Variants in NDUFS8 observed in about 807,000 individuals in gnomAD.
The protein encoded by NDUFS8 is NADH dehydrogenase [ubiquinone] iron-sulfur protein 8, mitochondrial.
A neutral mutation model predicts 25.6 loss-of-function variants in NDUFS8; 13 were observed. The ratio of observed to expected loss-of-function variants is 0.51; its 90% CI spans 0.33 to 0.81. The LOEUF is 0.81. Among genes scored for constraint, NDUFS8 ranks in the 30% least tolerant of loss-of-function variants. The pLI is 0.02. For synonymous variants in NDUFS8, 119 were observed against 119.4 expected, an observed-to-expected ratio of 1.00 and a Z score of 0.02; for missense variants, 257 against 300.9, an observed-to-expected ratio of 0.85 and a Z score of 1.08.
At position 68,032,903 on chromosome 11, in the gene NDUFS8, C is replaced by T; in HGVS notation, c.110-20C>T. On this transcript the variant is annotated intron_variant, in intron 3 of 6. Transcript: ENST00000313468. ...TGTGTGAGGCCTCTTGCCATGGCCT[C>T]CCTGCCCGCCTCTCTGCAGAGTATG... 2 of 1,613,114 alleles carry T rather than the reference C, an allele frequency of 1.2e-6. No homozygotes were observed. Among genetic ancestry groups the T allele is most frequent in the Non-Finnish European group, 1.7e-6 (2 of 1,179,640 alleles).
rs142658611 is a variant in NDUFS8 at position 68,032,170 on chromosome 11, C to A, written c.19C>A (p.Pro7Thr). MRCLTT[P>T]MLLRALAQAA... is the part of the protein sequence containing the mutation. The stretch of plus-strand genomic sequence containing the variant: ...CCACCAGATGCGCTGCCTGACCACG[C>A]CTATGCTGCTGCGGGCCCTGGCCCA... The change falls in exon 2 of 7, where the codon CCT (proline) becomes ACT (threonine). Residue 7 changes from proline (P) to threonine (T), a missense_variant. Pro to Thr is a conservative substitution (Grantham distance 38). Coordinates refer to ENST00000313468, the MANE Select transcript of NDUFS8 (RefSeq NM_002496.4). 1.9e-4 allele frequency: 301 copies of A among 1,612,734 alleles called. 1 individual carries two copies. In the African/African-American group the frequency reaches 2.7e-3, roughly 14 times the overall value.
chr11:68,033,094 A>AGGCCTGGGTG lies in NDUFS8; in HGVS notation c.200-17_200-16insGGCCTGGGTG. ...GGAGGAGGGTGCCCCTGCCCACCAC[A>AGGCCTGGGTG]CCCGTGCTGCCCACAGGCCTGGGCA... On this transcript the variant is annotated splice_polypyrimidine_tract_variant and intron_variant, in intron 4 of 6. Coordinates refer to ENST00000313468, the MANE Select transcript of NDUFS8 (RefSeq NM_002496.4). 1 of 1,612,750 alleles carries AGGCCTGGGTG rather than the reference A, an allele frequency of 6.2e-7. No individual in the cohort carries two copies.
intron 5 of NDUFS8, 196 bp from the exon 6 acceptor site, chr11:68,036,057 A>T: frequency 3.2e-6 from 2 of 622,594 alleles, no homozygotes; most frequent in Non-Finnish European, 5.3e-6. Flanking sequence ...CAAGGCAGGG[A>T]CGCCAGCAGG....
In NDUFS8 at chr11:68,036,396, C is replaced by G; in HGVS notation, c.501+15C>G. On this transcript the variant is annotated intron_variant, in intron 6 of 6. Coordinates refer to ENST00000313468, the MANE Select transcript of NDUFS8 (RefSeq NM_002496.4). Reference sequence around the variant, plus strand: ...CCATCGTCGAGGCACGTGAGGCCCCCGGGTGGGAGGGGGCCTGAGGCTCCT... The same window carrying G: ...CCATCGTCGAGGCACGTGAGGCCCCGGGGTGGGAGGGGGCCTGAGGCTCCT... 6.2e-7 allele frequency: 1 copy of G among 1,613,686 alleles called. No individual in the cohort carries two copies. Among genetic ancestry groups the G allele is most frequent in the Non-Finnish European group, 8.5e-7 (1 of 1,179,970 alleles).
In NDUFS8 at chr11:68,036,523, T is replaced by C. The variant is rs748548264; in HGVS notation, c.563T>C (p.Leu188Ser). 6.2e-7 allele frequency: 1 copy of C among 1,613,984 alleles called. No homozygotes were observed. The highest frequency in any genetic ancestry group is 1.1e-5 in the South Asian group (1 of 91,074). Residue 188 changes from leucine (L) to serine (S), a missense_variant, in exon 7 of 7, where the codon TTG becomes TCG. Transcript: ENST00000313468. Reference protein sequence around the residue: ...HEELLYNKEKLLNNGDKWEAE... With the variant: ...HEELLYNKEKSLNNGDKWEAE... ...GAGCTGCTGTACAACAAGGAGAAGT[T>C]GCTCAACAACGGGGACAAGTGGGAG... is the stretch of plus-strand genomic sequence containing the variant.
At chr11:68,032,059 T>C in intron 1 of NDUFS8, 93 bp from the exon 2 acceptor site, 1 of 1,579,210 alleles carries the variant, frequency 6.3e-7, no homozygotes, top group Non-Finnish European at 8.7e-7. Context: ...AAGTGACACA[T>C]GTCAGTGGAG....
chr11:68,031,560 C>G (rs1854767271), intron 1 of NDUFS8: 1 of 178,464 alleles, frequency 5.6e-6, no homozygotes, highest in African/African-American at 2.4e-5. Flanking sequence ...GTTAGCCAGG[C>G]TGGTCTCAAA....
rs1299908217 is a variant in NDUFS8, at chr11:68,036,458, G to A, written c.502-4G>A. 9 of 1,614,032 alleles carry A rather than the reference G, an allele frequency of 5.6e-6. No homozygotes were observed. The South Asian group carries it at 8.8e-5, about 16-fold the overall frequency. On this transcript the variant is annotated splice_region_variant and splice_polypyrimidine_tract_variant and intron_variant, in intron 6 of 6. Transcript: ENST00000313468. Reference sequence around the variant, plus strand: ...AACCACCGTCCCTGCACCTCAACCTGCAGGGCCCCAACTTTGAGTTCTCCA... The same window carrying A: ...AACCACCGTCCCTGCACCTCAACCTACAGGGCCCCAACTTTGAGTTCTCCA...
chr11:68,033,761 C>G (rs1264777602), intron 5 of NDUFS8: 1 of 232,344 alleles, frequency 4.3e-6, no homozygotes, highest in Non-Finnish European at 8.8e-6. Context: ...ATGACTCGGT[C>G]AGAGCTCTGG....
intron 1 of NDUFS8, 137 bp from the exon 2 acceptor site, chr11:68,032,015 G>T: frequency 7.9e-7 from 1 of 1,267,048 alleles, no homozygotes. Flanking sequence ...AGCCATCTGT[G>T]CCTCTGACAG....
chr11:68,034,889 T>C (rs1854854719), intron 5 of NDUFS8: 1 of 151,720 alleles, frequency 6.6e-6, no homozygotes, highest in Non-Finnish European at 1.5e-5. Context: ...GCCAACATGT[T>C]GAAACCCCGT....
chr11:68,032,738 C>T (rs753984409), intron 3 of NDUFS8, 185 bp from the exon 4 acceptor site: 43 of 797,296 alleles, frequency 5.4e-5, no homozygotes, highest in African/African-American at 8.5e-5. Flanking sequence ...TAGGCACGGA[C>T]GGGCTCAGGC....
intron 1 of NDUFS8, chr11:68,031,702 G>A: frequency 3.4e-6 from 1 of 295,744 alleles, no homozygotes; most frequent in South Asian, 3.1e-5. Flanking sequence ...CCTCCCTCGT[G>A]GAGTCCTTGT....
chr11:68,032,775 G>A, intron 3 of NDUFS8, 148 bp from the exon 4 acceptor site: 1 of 893,936 alleles, frequency 1.1e-6, no homozygotes, highest in Non-Finnish European at 1.8e-6. Context: ...GGTCCTTGCT[G>A]AGGCTGGGGA....
Position 68,033,080 on chromosome 11 carries a change from C to T in NDUFS8, c.200-31C>T, listed in dbSNP as rs771349898. ...CACGGATGCATGGGGGAGGAGGGTGCCCCTGCCCACCACACCCGTGCTGCC... is the reference window on the plus strand; with the variant it reads ...CACGGATGCATGGGGGAGGAGGGTGTCCCTGCCCACCACACCCGTGCTGCC... On this transcript the variant is annotated intron_variant, in intron 4 of 6. Coordinates refer to ENST00000313468, the MANE Select transcript of NDUFS8 (RefSeq NM_002496.4). 8.7e-6 allele frequency: 14 copies of T among 1,612,932 alleles called. No homozygotes were observed. The South Asian group carries it at 1.4e-4, about 16-fold the overall frequency.
chr11:68,031,891 A>C (rs1465022088), intron 1 of NDUFS8, among the ~76,000 whole-genome samples: 1 of 152,234 alleles, frequency 6.6e-6, no homozygotes, highest in Non-Finnish European at 1.5e-5. Flanking sequence ...GGAGAAAGGA[A>C]GGATGGATTT....
rs778973006 is a variant in NDUFS8 at position 68,036,363 on chromosome 11, C to T, written c.483C>T (p.Pro161=). 2.5e-5 allele frequency: 40 copies of T among 1,613,290 alleles called. No homozygotes were observed. The Middle Eastern group carries it at 6.6e-4, about 27-fold the overall frequency. ...IYCGFCQEAC[P]VDAIVEGPNF... is the part of the protein sequence containing the mutation. Reference sequence around the variant, plus strand: ...GCGGCTTCTGCCAGGAGGCCTGTCCCGTGGATGCCATCGTCGAGGCACGTG... The same window carrying T: ...GCGGCTTCTGCCAGGAGGCCTGTCCTGTGGATGCCATCGTCGAGGCACGTG... Residue 161 remains proline, a synonymous_variant, in exon 6 of 7, where the codon CCC becomes CCT. Coordinates refer to ENST00000313468, the MANE Select transcript of NDUFS8 (RefSeq NM_002496.4).
At chr11:68,035,903 CAGCTA>C (rs1182850702) in intron 5 of NDUFS8, 7 of 369,394 alleles carry the variant, frequency 1.9e-5, no homozygotes, top group Non-Finnish European at 3.2e-5. Flanking sequence ...CTTGTAGTCC[CAGCTA>C]CTCAGGGGGC....
intron 5 of NDUFS8, 87 bp from the exon 6 acceptor site, chr11:68,036,166 C>G (rs908348608): frequency 1.9e-6 from 3 of 1,599,112 alleles, no homozygotes; most frequent in African/African-American, 2.7e-5. Flanking sequence ...CTGGCAGACC[C>G]CAGGGGTGGG....
Sources: gnomAD v4.1 joint callset for allele counts (sites outside exome capture counted in the v4.1 genomes callset) on GRCh38, gnomAD v4.1.1 for gene constraint, MANE v1.5 for transcripts, NCBI Gene and HGNC (gene_info 2026-07-23, HGNC 2026-07-21) for gene names.